Variants in FUNDC1 observed in about 807,000 individuals in gnomAD.
The protein encoded by FUNDC1 is FUN14 domain containing 1, also known as FUN14 domain-containing protein 1.
In FUNDC1, 10 loss-of-function variants were observed where a neutral mutation model predicts 14.5. The observed-to-expected ratio is 0.69, with a 90% CI of 0.43 to 1.17. The LOEUF (loss-of-function observed/expected upper bound fraction) is 1.17. FUNDC1 is among the 50% of genes most tolerant of loss of function. FUNDC1 has a pLI of 0.00. For synonymous variants in FUNDC1, 33 were observed against 39.7 expected (o/e 0.83, Z 0.64); for missense variants, 115 against 113.8 (o/e 1.01, Z -0.05).
intron 3 of FUNDC1, among the ~76,000 whole-genome samples, chrX:44,536,143 C>T (rs1476627945): frequency 9.1e-6 from 1 of 109,417 alleles, no homozygotes; most frequent in Non-Finnish European, 1.9e-5. Context: ...GAAACCCCAT[C>T]TCTACTAAAA....
chrX:44,537,173 G>A (rs2038952445), intron 3 of FUNDC1, among the ~76,000 whole-genome samples: 1 of 111,942 alleles, frequency 8.9e-6, no homozygotes, highest in African/African-American at 3.2e-5. Context: ...GCGGAAAAGT[G>A]GGAGGTGGCA....
intron 3 of FUNDC1, among the ~76,000 whole-genome samples, chrX:44,531,038 T>C (rs1253414832): frequency 9.1e-6 from 1 of 110,250 alleles, no homozygotes; most frequent in East Asian, 2.9e-4. Context: ...GCCCAGGAGT[T>C]TGAGACCAGC....
chrX:44,542,166 A>C (rs1230695701), intron 1 of FUNDC1, 65 bp from the exon 2 acceptor site: 1 of 870,531 alleles, frequency 1.1e-6, no homozygotes, highest in Non-Finnish European at 1.6e-6. Flanking sequence ...TGTTCTATAC[A>C]TCTTTTTAAA....
chrX:44,542,243 T>C, intron 1 of FUNDC1, 142 bp from the exon 2 acceptor site: 3 of 464,267 alleles, frequency 6.5e-6, no homozygotes, highest in Non-Finnish European at 1.1e-5. Flanking sequence ...ACTGACTTTA[T>C]TTAACTCAAT....
intron 3 of FUNDC1, among the ~76,000 whole-genome samples, chrX:44,533,616 A>T (rs2038935137): frequency 1.2e-5 from 1 of 85,854 alleles, no homozygotes; most frequent in African/African-American, 4.7e-5. Context: ...TGACAGAGCA[A>T]GACTCCGTCT....
In FUNDC1 at chrX:44,524,371, G is replaced by C. The variant is rs774195999; in HGVS notation, c.391-96C>G. 1.9e-5 allele frequency: 11 copies of C among 565,346 alleles called. No individual in the cohort carries two copies. In the African/African-American group the frequency reaches 2.1e-4, roughly 11 times the overall value. The allele number at this position is 565,346 out of a possible 1,213,427, so 46.6% of individuals were successfully genotyped here. A position where few individuals can be genotyped will look rare whatever the true frequency, so the allele number is the denominator to read the frequency against. ...AAAGTGAAATAAGGTAGACAAAAAA[G>C]AACAGATATTACATGATTCTGCTCG... On this transcript the variant is annotated intron_variant, in intron 4 of 4. Transcript: ENST00000378045.
At chrX:44,525,898 T>A (rs2038898904) in intron 4 of FUNDC1, among the ~76,000 whole-genome samples, 1 of 109,707 alleles carries the variant, frequency 9.1e-6, no homozygotes, top group Non-Finnish European at 1.9e-5. Context: ...ATTTTTTTTT[T>A]ATTAATAATG....
intron 3 of FUNDC1, among the ~76,000 whole-genome samples, chrX:44,531,765 A>AACACACACACACACACAC (rs143142516): frequency 1.1e-5 from 1 of 87,381 alleles, no homozygotes; most frequent in African/African-American, 4.2e-5. Flanking sequence ...AGAAGCTTAA[A>AACACACACACACACACAC]ACACACACAC....
At chrX:44,528,204 T>C (rs1421471357) in intron 3 of FUNDC1, among the ~76,000 whole-genome samples, 2 of 112,277 alleles carry the variant, frequency 1.8e-5, no homozygotes, top group African/African-American at 6.5e-5. Flanking sequence ...TTTTGCCATT[T>C]GCACCCTGAA....
At chrX:44,527,009 G>A (rs949116522) in intron 4 of FUNDC1, among the ~76,000 whole-genome samples, 7 of 106,899 alleles carry the variant, frequency 6.5e-5, no homozygotes, top group Non-Finnish European at 1.3e-4. Context: ...ATCAAAGTGA[G>A]CTAGAGATAT....
Position 44,527,127 on chromosome X carries a change from C to G in FUNDC1, c.390+110G>C, listed in dbSNP as rs1282018598. On this transcript the variant is annotated intron_variant, in intron 4 of 4. Transcript: ENST00000378045. ...ACTCTAGATATATAACCAAAAACAC[C>G]ATTTTTAAAAAAGACAGTAATCCCC... 5 of 530,272 alleles carry G rather than the reference C, an allele frequency of 9.4e-6. No individual in the cohort carries two copies. The East Asian group carries it at 1.6e-4, about 17-fold the overall frequency. The allele number at this position is 530,272 out of a possible 1,213,427, so 43.7% of individuals were successfully genotyped here.
In FUNDC1 at chrX:44,531,315, G is replaced by GAA. The variant is rs2038924098; in HGVS notation, c.262-3951_262-3950insTT. 5.3e-3 allele frequency among the ~76,000 whole-genome samples: 100 copies of GAA among 18,848 alleles called. 15 individuals are homozygous for GAA. Among genetic ancestry groups the GAA allele is most frequent in the African/African-American group, 0.047 (93 of 1,967 alleles). 16.4% of individuals were successfully genotyped at this position (18,848 alleles called of 115,157 possible). A position where few individuals can be genotyped will look rare whatever the true frequency, so the allele number is the denominator to read the frequency against. On this transcript the variant is annotated intron_variant, in intron 3 of 4. Transcript: ENST00000378045. ...TTCAGATGAAGATTCATGTTGGCCA[G>GAA]ACACACACACACACACACACACACA...
chrX:44,524,083 G>C lies in FUNDC1; in HGVS notation c.*115C>G. 1.9e-6 allele frequency: 1 copy of C among 517,595 alleles called. No individual in the cohort carries two copies. Among genetic ancestry groups the C allele is most frequent in the East Asian group, 3.6e-5 (1 of 27,470 alleles). The allele number at this position is 517,595 out of a possible 1,213,427, so 42.7% of individuals were successfully genotyped here. A position where few individuals can be genotyped will look rare whatever the true frequency, so the allele number is the denominator to read the frequency against. ...TAAGTTGTGAATTGAGTATTGTCCAGCTAGTTGTTTCTCCTTGCCCTAGAG... is the reference window on the plus strand; with the variant it reads ...TAAGTTGTGAATTGAGTATTGTCCACCTAGTTGTTTCTCCTTGCCCTAGAG... On this transcript the variant is annotated 3_prime_UTR_variant, in exon 5 of 5. Coordinates refer to ENST00000378045, the MANE Select transcript of FUNDC1 (RefSeq NM_173794.4).
At chrX:44,538,441 G>A in intron 3 of FUNDC1, 26 bp downstream of exon 3, 1 of 1,139,489 alleles carries the variant, frequency 8.8e-7, no homozygotes, top group Non-Finnish European at 1.2e-6. Flanking sequence ...TGAAAGCAAA[G>A]GCAAGTGCTT....
At chrX:44,542,369 C>G (rs2038975738) in intron 1 of FUNDC1, 1 of 379,300 alleles carries the variant, frequency 2.6e-6, no homozygotes, top group South Asian at 4.4e-5. Context: ...CAGAATGACA[C>G]AGTAGTGAGG....
chrX:44,526,744 T>C (rs1240247121), intron 4 of FUNDC1, among the ~76,000 whole-genome samples: 1 of 110,778 alleles, frequency 9.0e-6, no homozygotes. Flanking sequence ...AACTAAAAAG[T>C]TGAGGGAGGT....
In FUNDC1 at chrX:44,526,783, G is replaced by T. The variant is rs753005918; in HGVS notation, c.390+454C>A. On this transcript the variant is annotated intron_variant, in intron 4 of 4. Transcript: ENST00000378045. ...AGGATAAAACAAAAACAAAGGCAAG[G>T]AAGTATTCAATTCCATTTTAAACAG... 1.1e-3 allele frequency among the ~76,000 whole-genome samples: 126 copies of T among 110,269 alleles called. 1 individual carries two copies. Among genetic ancestry groups the T allele is most frequent in the African/African-American group, 4.1e-3 (124 of 30,396 alleles).
At chrX:44,532,711 C>A (rs963931839) in intron 3 of FUNDC1, among the ~76,000 whole-genome samples, 1 of 109,360 alleles carries the variant, frequency 9.1e-6, no homozygotes. Flanking sequence ...CACCACCATG[C>A]CCGGCTAATT....
At chrX:44,530,463 G>A (rs987210909) in intron 3 of FUNDC1, among the ~76,000 whole-genome samples, 5 of 108,704 alleles carry the variant, frequency 4.6e-5, no homozygotes, top group Non-Finnish European at 9.5e-5. Context: ...AAAATTAGCC[G>A]GGCATAGTAG....
Sources: allele counts gnomAD v4.1 joint callset (sites outside exome capture counted in the v4.1 genomes callset), GRCh38; gene constraint gnomAD v4.1.1; transcripts MANE v1.5; gene names NCBI Gene and HGNC (gene_info 2026-07-23, HGNC 2026-07-21).